Variants in MFSD8 observed in about 807,000 individuals in gnomAD.
MFSD8 encodes major facilitator superfamily domain-containing protein 8.
MFSD8 carries 55 observed loss-of-function variants against 66.4 expected under a neutral mutation model. That is an observed-to-expected ratio of 0.83 (90% CI 0.67 to 1.04). The LOEUF (loss-of-function observed/expected upper bound fraction) is 1.04. MFSD8 is among the 50% of genes least tolerant of loss of function. MFSD8 has a pLI of 0.00. For missense variants in MFSD8, 550 were observed against 627.6 expected, an observed-to-expected ratio of 0.88 and a Z score of 1.32; for synonymous variants, 202 against 212.8, an observed-to-expected ratio of 0.95 and a Z score of 0.44.
intron 8 of MFSD8, chr4:127,932,506 A>G (rs1306468292): frequency 6.6e-6 from 1 of 152,478 alleles, no homozygotes; most frequent in Non-Finnish European, 1.5e-5. Flanking sequence ...AATTTCATGG[A>G]AAGTTATTTT....
At chr4:127,930,870 CT>C in intron 8 of MFSD8, 53 bp from the exon 9 acceptor site, 3 of 1,527,774 alleles carry the variant, frequency 2.0e-6, no homozygotes, top group Non-Finnish European at 2.7e-6. Flanking sequence ...AACTGTTATA[CT>C]TAAAGTGAAG....
intron 1 of MFSD8, among the ~76,000 whole-genome samples, chr4:127,958,383 A>C (rs1165441939): frequency 6.6e-6 from 1 of 152,158 alleles, no homozygotes; most frequent in Non-Finnish European, 1.5e-5. Context: ...AACAGACAAA[A>C]TGCCTTCTTA....
intron 2 of MFSD8, among the ~76,000 whole-genome samples, chr4:127,953,566 T>G (rs1376416536): frequency 7.1e-6 from 1 of 141,792 alleles, no homozygotes; most frequent in Non-Finnish European, 1.5e-5. Context: ...TTTTTTTTTT[T>G]TTTTTGAGAC....
rs75039907 is a variant in MFSD8 at position 127,920,845 on chromosome 4, G to C, written c.1351-9C>G. The C allele has an allele frequency of 6.2e-7, 1 of 1,612,282 alleles. No individual in the cohort carries two copies. Among genetic ancestry groups the C allele is most frequent in the Non-Finnish European group, 8.5e-7 (1 of 1,179,330 alleles). On this transcript the variant is annotated splice_polypyrimidine_tract_variant and intron_variant, in intron 11 of 11. Transcript: ENST00000641686. ...CAGCCCATGTATACACCCTGTTGGG[G>C]GTGAAATGGAGGACAAGCAGATTGA...
At chr4:127,928,435 T>C (rs928862947) in intron 9 of MFSD8, among the ~76,000 whole-genome samples, 15 of 152,084 alleles carry the variant, frequency 9.9e-5, no homozygotes, top group Admixed American at 9.8e-4. Context: ...ATGATTCTTT[T>C]AAACAGTGAA....
intron 9 of MFSD8, among the ~76,000 whole-genome samples, chr4:127,922,312 T>C (rs1249304772): frequency 6.6e-6 from 1 of 152,112 alleles, no homozygotes; most frequent in Non-Finnish European, 1.5e-5. Context: ...TGGCAATGGA[T>C]TGAAACACAC....
intron 8 of MFSD8, 56 bp from the exon 9 acceptor site, chr4:127,930,873 AAAGTGAAGTGTAAG>A: frequency 6.6e-7 from 1 of 1,506,778 alleles, no homozygotes; most frequent in Non-Finnish European, 9.1e-7. Context: ...TGTTATACTT[AAAGTGAAGTGTAAG>A]TTTTAATAAC....
chr4:127,923,624 G>A (rs568770350), intron 9 of MFSD8, among the ~76,000 whole-genome samples: 2 of 148,144 alleles, frequency 1.4e-5, no homozygotes, highest in East Asian at 2.0e-4. Flanking sequence ...CTGTCGCCCA[G>A]GCTGGTATGC....
At chr4:127,944,327 C>T (rs1740682203) in intron 3 of MFSD8, among the ~76,000 whole-genome samples, 2 of 152,078 alleles carry the variant, frequency 1.3e-5, no homozygotes, top group African/African-American at 4.8e-5. Context: ...ATAAGCTATT[C>T]TTTAATTCTT....
intron 2 of MFSD8, among the ~76,000 whole-genome samples, chr4:127,953,459 C>G (rs1742337171): frequency 7.4e-6 from 1 of 134,676 alleles, no homozygotes; most frequent in Non-Finnish European, 1.5e-5. Context: ...CTGCACTCAG[C>G]TCAAAAAAAA....
At chr4:127,924,114 T>C (rs769837159) in intron 9 of MFSD8, among the ~76,000 whole-genome samples, 2 of 152,126 alleles carry the variant, frequency 1.3e-5, no homozygotes, top group Non-Finnish European at 2.9e-5. Flanking sequence ...TGTGAATCTA[T>C]CTGGTCCTGG....
chr4:127,934,195 T>C (rs1486994372), intron 7 of MFSD8, among the ~76,000 whole-genome samples: 1 of 152,152 alleles, frequency 6.6e-6, no homozygotes, highest in East Asian at 1.9e-4. Flanking sequence ...TGAGCCAAGA[T>C]TGAGCCACTG....
Position 127,939,603 on chromosome 4 carries a change from T to TC in MFSD8, c.698+249dup, listed in dbSNP as rs1471228242. 7.0e-4 allele frequency: 134 copies of TC among 190,470 alleles called. 1 individual carries two copies. The Admixed American group carries it at 0.011, about 16-fold the overall frequency. The allele number at this position is 190,470 out of a possible 1,614,324, so 11.8% of individuals were successfully genotyped here. On this transcript the variant is annotated intron_variant, in intron 6 of 11. Transcript: ENST00000641686. ...CTGAGCAACAGAGTAAGATCTTGTC[T>TC]CAAAAAAAAAAAAAAAAAAAAAAAA...
At chr4:127,965,296 A>G, upstream of MFSD8, 2 of 839,812 alleles carry the variant, frequency 2.4e-6, no homozygotes. Flanking sequence ...GGTCACGCGG[A>G]AGGCCGGGCA....
In MFSD8 at chr4:127,933,039, A is replaced by G. The variant is rs200284184; in HGVS notation, c.809T>C (p.Val270Ala). The G allele has an allele frequency of 4.3e-6, 7 of 1,613,906 alleles. No individual in the cohort carries two copies. The highest frequency in any genetic ancestry group is 5.9e-6 in the Non-Finnish European group (7 of 1,179,892). Reference protein sequence around the residue: ...PQGNIDQVAVVAINVLFFVTL... With the variant: ...PQGNIDQVAVAAINVLFFVTL... The stretch of plus-strand genomic sequence containing the variant: ...CACAAAAAACAGAACATTGATGGCC[A>G]CAACAGCAACCTGGTCAATATTTCC... Residue 270 changes from valine to alanine, a missense_variant, in exon 8 of 12, where the codon GTG becomes GCG. Coordinates refer to ENST00000641686, the MANE Select transcript of MFSD8 (RefSeq NM_001371596.2).
rs1736815174 is a variant in MFSD8 at position 127,924,143 on chromosome 4, G to A, written c.999-2180C>T. On this transcript the variant is annotated intron_variant, in intron 9 of 11. Coordinates refer to ENST00000641686, the MANE Select transcript of MFSD8 (RefSeq NM_001371596.2). The stretch of plus-strand genomic sequence containing the variant: ...GTCCTGGGCTTTTTTTGGTTGGTAG[G>A]CTATTAATTACTGCCTCAATCTCAG... Among the ~76,000 whole-genome samples the A allele has an allele frequency of 2.6e-5, 4 of 152,090 alleles. No homozygotes were observed. The South Asian group carries it at 8.3e-4, about 32-fold the overall frequency.
At chr4:127,931,528 T>C (rs1413164555) in intron 8 of MFSD8, among the ~76,000 whole-genome samples, 2 of 152,128 alleles carry the variant, frequency 1.3e-5, no homozygotes, top group Non-Finnish European at 2.9e-5. Flanking sequence ...CAGTTAATTT[T>C]TGTATTTTTA....
chr4:127,920,309 G>T lies in MFSD8; in HGVS notation c.*321C>A. The T allele has an allele frequency of 2.9e-6, 1 of 347,576 alleles. No individual in the cohort carries two copies. The highest frequency in any genetic ancestry group is 5.5e-6 in the Non-Finnish European group (1 of 180,368). The allele number at this position is 347,576 out of a possible 1,614,324, so 21.5% of individuals were successfully genotyped here. A position where few individuals can be genotyped will look rare whatever the true frequency, so the allele number is the denominator to read the frequency against. On this transcript the variant is annotated 3_prime_UTR_variant, in exon 12 of 12. Coordinates refer to ENST00000641686, the MANE Select transcript of MFSD8 (RefSeq NM_001371596.2). ...TGTATATTATTTTAATGACACTTCT[G>T]CAGTGGGTATTAAGAATACAGCTTC...
At chr4:127,949,676 C>G in intron 3 of MFSD8, 128 bp downstream of exon 3, 1 of 789,166 alleles carries the variant, frequency 1.3e-6, no homozygotes, top group South Asian at 1.9e-5. Context: ...TTTTAAGGAA[C>G]TATTATCTCA....
Sources: allele counts gnomAD v4.1 joint callset (sites outside exome capture counted in the v4.1 genomes callset), GRCh38; gene constraint gnomAD v4.1.1; transcripts MANE v1.5; gene names NCBI Gene and HGNC (gene_info 2026-07-23, HGNC 2026-07-21).